Variants in SYN3 observed in about 807,000 individuals in gnomAD.
SYN3 encodes the protein synapsin-3.
A neutral mutation model predicts 65.8 loss-of-function variants in SYN3; 35 were observed. That is an observed-to-expected ratio of 0.53 (90% confidence interval 0.41 to 0.70). SYN3 has a LOEUF of 0.70. Among genes scored for constraint, SYN3 ranks in the 30% least tolerant of loss-of-function variants. The pLI is 0.00. For synonymous variants in SYN3, 270 were observed against 292.9 expected (o/e 0.92, Z 0.80); for missense variants, 680 against 749.0 (o/e 0.91, Z 1.08).
chr22:32,632,474 T>A (rs752627441), intron 6 of SYN3, among the ~76,000 whole-genome samples: 2 of 152,196 alleles, frequency 1.3e-5, no homozygotes, highest in Non-Finnish European at 2.9e-5. Context: ...AATCCTAAAC[T>A]AATGGGAAGT....
At chr22:32,535,730 G>C (rs900189751) in intron 9 of SYN3, among the ~76,000 whole-genome samples, 2 of 152,124 alleles carry the variant, frequency 1.3e-5, no homozygotes, top group Admixed American at 1.3e-4. Context: ...GGCATCCCAG[G>C]GTCTAGGAAG....
At position 32,865,010 on chromosome 22, in the gene SYN3, A is replaced by G. The variant is rs374311143; in HGVS notation, c.622-6T>C. 6.2e-7 allele frequency: 1 copy of G among 1,608,914 alleles called. No homozygotes were observed. Among genetic ancestry groups the G allele is most frequent in the Non-Finnish European group, 8.5e-7 (1 of 1,175,264 alleles). On this transcript the variant is annotated splice_region_variant and splice_polypyrimidine_tract_variant and intron_variant, in intron 5 of 13. Transcript: ENST00000358763. ...ATCTTAATGAGCTGAGAGAACTAGGATAGAAGAGGAGAGAACATTGATCAA... is the reference window on the plus strand; with the variant it reads ...ATCTTAATGAGCTGAGAGAACTAGGGTAGAAGAGGAGAGAACATTGATCAA...
At chr22:32,539,405 C>T (rs975453551) in intron 8 of SYN3, among the ~76,000 whole-genome samples, 13 of 152,256 alleles carry the variant, frequency 8.5e-5, no homozygotes, top group East Asian at 1.9e-4. Flanking sequence ...CTAAAATGAA[C>T]GAAGTGGTAC....
chr22:32,673,599 C>T (rs1030394437), intron 6 of SYN3, among the ~76,000 whole-genome samples: 5 of 152,206 alleles, frequency 3.3e-5, no homozygotes, highest in Non-Finnish European at 5.9e-5. Flanking sequence ...GAGGGTACCC[C>T]ATCAGGACTT....
At position 32,513,648 on chromosome 22, in the gene SYN3, G is replaced by T; in HGVS notation, c.*44C>A. 6.2e-7 allele frequency: 1 copy of T among 1,602,710 alleles called. No homozygotes were observed. The highest frequency in any genetic ancestry group is 8.5e-7 in the Non-Finnish European group (1 of 1,172,124). On this transcript the variant is annotated 3_prime_UTR_variant, in exon 14 of 14. Transcript: ENST00000358763. The stretch of plus-strand genomic sequence containing the variant: ...GAGAAGGAAGATGAGGCAGGAGGGG[G>T]ACGAGTGTAGCAGAGCACTCTTCCC...
At chr22:32,746,017 C>G (rs1029003496) in intron 6 of SYN3, among the ~76,000 whole-genome samples, 2 of 152,216 alleles carry the variant, frequency 1.3e-5, no homozygotes, top group Admixed American at 1.3e-4. Flanking sequence ...GATGTTGACT[C>G]AGGGCTCTTT....
intron 13 of SYN3, among the ~76,000 whole-genome samples, chr22:32,516,195 T>C (rs2057771232): frequency 7.1e-6 from 1 of 141,288 alleles, no homozygotes; most frequent in African/African-American, 2.5e-5. Flanking sequence ...ATCTGAACAA[T>C]TTTATTATTT....
At position 32,864,996 on chromosome 22, in the gene SYN3, C is replaced by A; in HGVS notation, c.630G>T (p.Gln210His). The change falls in exon 6 of 14, where the codon CAG (glutamine) becomes CAT (histidine). Residue 210 changes from glutamine to histidine, a missense_variant. Gln to His is a conservative substitution (Grantham distance 24). Coordinates refer to ENST00000358763, the MANE Select transcript of SYN3 (RefSeq NM_003490.4). ...CCAGGGAATGGAAGATCTTAATGAGCTGAGAGAACTAGGATAGAAGAGGAG... is the reference window on the plus strand; with the variant it reads ...CCAGGGAATGGAAGATCTTAATGAGATGAGAGAACTAGGATAGAAGAGGAG... ...NFCSKPWVFS[Q>H]LIKIFHSLGP... 6.2e-7 allele frequency: 1 copy of A among 1,613,512 alleles called. No homozygotes were observed. The highest frequency in any genetic ancestry group is 8.5e-7 in the Non-Finnish European group (1 of 1,179,450).
At chr22:32,999,450 C>T (rs1042308978) in intron 2 of SYN3, among the ~76,000 whole-genome samples, 4 of 152,172 alleles carry the variant, frequency 2.6e-5, no homozygotes, top group African/African-American at 4.8e-5. Context: ...TCCGGGAGGC[C>T]GAGGCAGGCA....
intron 4 of SYN3, among the ~76,000 whole-genome samples, chr22:32,876,680 A>G (rs2048992504): frequency 6.6e-6 from 1 of 152,180 alleles, no homozygotes; most frequent in Non-Finnish European, 1.5e-5. Flanking sequence ...AAAATGGAAA[A>G]TGAAACAGTG....
At chr22:32,520,009 T>G (rs1185189097) in intron 12 of SYN3, among the ~76,000 whole-genome samples, 1 of 152,008 alleles carries the variant, frequency 6.6e-6, no homozygotes, top group African/African-American at 2.4e-5. Flanking sequence ...GCCATGGGAG[T>G]GCTGTCCCTG....
At chr22:32,738,253 A>G (rs550698166) in intron 6 of SYN3, among the ~76,000 whole-genome samples, 42 of 151,556 alleles carry the variant, frequency 2.8e-4, no homozygotes, top group Non-Finnish European at 4.7e-4. Flanking sequence ...GGGAGGCAGG[A>G]TTCTCAGCCC....
chr22:32,674,679 C>T (rs1363659430), intron 6 of SYN3, among the ~76,000 whole-genome samples: 2 of 152,098 alleles, frequency 1.3e-5, no homozygotes, highest in African/African-American at 4.8e-5. Flanking sequence ...TAAGATGGTG[C>T]AGATGACCAG....
At chr22:32,524,706 ATAT>A (rs982605049) in intron 12 of SYN3, among the ~76,000 whole-genome samples, 1 of 152,192 alleles carries the variant, frequency 6.6e-6, no homozygotes, top group African/African-American at 2.4e-5. Flanking sequence ...ATCTGAGGTC[ATAT>A]TATTTTAAAA....
chr22:32,806,677 G>A (rs565475432), intron 6 of SYN3, among the ~76,000 whole-genome samples: 2 of 152,198 alleles, frequency 1.3e-5, no homozygotes, highest in South Asian at 2.1e-4. Flanking sequence ...TACCATCTTG[G>A]CCTGTTTTAT....
intron 6 of SYN3, among the ~76,000 whole-genome samples, chr22:32,758,638 A>C: frequency 7.8e-6 from 1 of 127,896 alleles, no homozygotes; most frequent in South Asian, 2.7e-4. Flanking sequence ...GACAGCCCCT[A>C]TTGTGGGACC....
intron 3 of SYN3, among the ~76,000 whole-genome samples, chr22:32,942,338 TCTGGAGTGGAC>T (rs2050966755): frequency 1.3e-5 from 2 of 152,310 alleles, no homozygotes; most frequent in South Asian, 4.1e-4. Context: ...GCAAACAAGG[TCTGGAGTGGAC>T]CTCCAGCAAA....
intron 3 of SYN3, among the ~76,000 whole-genome samples, chr22:32,951,639 T>A (rs2051293332): frequency 6.6e-6 from 1 of 152,236 alleles, no homozygotes; most frequent in Non-Finnish European, 1.5e-5. Flanking sequence ...GCACAGAGAC[T>A]GTTCCCCAAG....
Position 32,597,217 on chromosome 22 carries a change from T to C in SYN3, c.712-481A>G, listed in dbSNP as rs1008060250. On this transcript the variant is annotated intron_variant, in intron 6 of 13. Coordinates refer to ENST00000358763, the MANE Select transcript of SYN3 (RefSeq NM_003490.4). Reference sequence around the variant, plus strand: ...TTACATTATTCTCTTTTTTTTTTTTTTTTTTTTTTTTTTTTTGGGACAAGT... The same window carrying C: ...TTACATTATTCTCTTTTTTTTTTTTCTTTTTTTTTTTTTTTTGGGACAAGT... Among the ~76,000 whole-genome samples the C allele has an allele frequency of 4.7e-4, 64 of 135,590 alleles. No individual in the cohort carries two copies. The East Asian group carries it at 0.011, about 24-fold the overall frequency. 89.0% of individuals were successfully genotyped at this position (135,590 alleles called of 152,430 possible).
Sources: allele counts gnomAD v4.1 joint callset (sites outside exome capture counted in the v4.1 genomes callset), GRCh38; gene constraint gnomAD v4.1.1; transcripts MANE v1.5; gene names NCBI Gene and HGNC (gene_info 2026-07-23, HGNC 2026-07-21).